The following OPRM1 variants were observed in gnomAD, a reference collection of about 807,000 sequenced individuals.
OPRM1 encodes opioid receptor mu 1, also known as mu-type opioid receptor.
In OPRM1, 27 loss-of-function variants were observed where a neutral mutation model predicts 31.8. That is an observed-to-expected ratio of 0.85 (90% CI 0.63 to 1.17). The LOEUF (loss-of-function observed/expected upper bound fraction) is 1.17, where lower values mean the gene tolerates loss of function less well. Ranked by LOEUF, OPRM1 falls within the 50% of genes most tolerant of loss-of-function variation. The pLI, the probability that OPRM1 is intolerant of heterozygous loss-of-function variation, is 0.00. For missense variants in OPRM1, 536 were observed against 511.1 expected (o/e 1.05, Z -0.47); for synonymous variants, 196 against 189.9 (o/e 1.03, Z -0.26).
chr6:154,046,643 C>A (rs1217397917), intron 1 of OPRM1: 2 of 152,154 alleles, frequency 1.3e-5, no homozygotes, highest in African/African-American at 4.8e-5. Context: ...TTTCTTTACC[C>A]ATCCTTTCTT....
At chr6:154,199,267 C>T (rs1171915871) in intron 3 of OPRM1, among the ~76,000 whole-genome samples, 1 of 152,228 alleles carries the variant, frequency 6.6e-6, no homozygotes, top group South Asian at 2.1e-4. Context: ...GAGAAAGTGG[C>T]TGATCTAAGC....
At chr6:154,109,203 G>T (rs187719891) in intron 3 of OPRM1, among the ~76,000 whole-genome samples, 1 of 152,302 alleles carries the variant, frequency 6.6e-6, no homozygotes, top group African/African-American at 2.4e-5. Flanking sequence ...GAAATAGAAG[G>T]CTTAGAAAGG....
chr6:154,018,125 T>C (rs1435127171), intron 1 of OPRM1, among the ~76,000 whole-genome samples: 1 of 152,114 alleles, frequency 6.6e-6, no homozygotes, highest in Admixed American at 6.5e-5. Context: ...CTCCCAAGAA[T>C]ATATTCTTGG....
chr6:154,212,507 C>A (rs1778045420), intron 3 of OPRM1, among the ~76,000 whole-genome samples: 1 of 152,186 alleles, frequency 6.6e-6, no homozygotes, highest in African/African-American at 2.4e-5. Flanking sequence ...GGCCTGTCAC[C>A]TAGAAGCCTT....
intron 3 of OPRM1, among the ~76,000 whole-genome samples, chr6:154,142,642 T>A (rs1009195335): frequency 6.6e-6 from 1 of 152,176 alleles, no homozygotes; most frequent in Non-Finnish European, 1.5e-5. Context: ...CACCTGGGCC[T>A]CTTCCAAGTG....
chr6:154,081,714 G>A lies in OPRM1; in HGVS notation c.291-8112G>A, dbSNP rs544933085. Among the ~76,000 whole-genome samples the A allele has an allele frequency of 3.3e-5, 5 of 152,258 alleles. No individual in the cohort carries two copies. In the South Asian group the frequency reaches 1.0e-3, roughly 32 times the overall value. Reference sequence around the variant, plus strand: ...TCGACGTGGTCAGAGAGGTGGAAGAGTATTTCTGGGACCCATTGCTTACAA... The same window carrying A: ...TCGACGTGGTCAGAGAGGTGGAAGAATATTTCTGGGACCCATTGCTTACAA... On this transcript the variant is annotated intron_variant, in intron 1 of 3. Coordinates refer to ENST00000330432, the MANE Select transcript of OPRM1 (RefSeq NM_000914.5).
intron 1 of OPRM1, among the ~76,000 whole-genome samples, chr6:154,014,497 C>T (rs1209093134): frequency 6.6e-6 from 1 of 151,756 alleles, no homozygotes; most frequent in Non-Finnish European, 1.5e-5. Context: ...ATCATATATA[C>T]AAAACTACAT....
intron 3 of OPRM1, among the ~76,000 whole-genome samples, chr6:154,180,415 T>TATATATATATATATATA (rs1491475267): frequency 3.1e-4 from 9 of 29,334 alleles, no homozygotes; most frequent in African/African-American, 1.1e-3. Context: ...TATATATATA[T>TATATATATATATATATA]TTTTTTTTTA....
At chr6:154,138,985 TG>T (rs1798131749) in intron 3 of OPRM1, among the ~76,000 whole-genome samples, 1 of 152,204 alleles carries the variant, frequency 6.6e-6, no homozygotes, top group African/African-American at 2.4e-5. Flanking sequence ...GCAAGAAGAC[TG>T]GGACACCCCA....
At chr6:154,149,623 C>T (rs144985479) in intron 3 of OPRM1, among the ~76,000 whole-genome samples, 225 of 149,826 alleles carry the variant, frequency 1.5e-3, no homozygotes, top group African/African-American at 5.1e-3. Flanking sequence ...TGTGTGTGCG[C>T]GCGTGTGTGT....
At chr6:154,108,953 A>G (rs1796010254) in intron 3 of OPRM1, 3 of 985,114 alleles carry the variant, frequency 3.0e-6, no homozygotes, top group Non-Finnish European at 2.4e-6. Flanking sequence ...GAGGTAGCAC[A>G]TAAGAAATAA....
At chr6:154,044,119 TAGAGAG>T (rs3836998) in intron 1 of OPRM1, among the ~76,000 whole-genome samples, 3 of 148,862 alleles carry the variant, frequency 2.0e-5, no homozygotes, top group African/African-American at 2.4e-5. Flanking sequence ...GATAGATAGA[TAGAGAG>T]AGAGAGAGAG....
intron 1 of OPRM1, among the ~76,000 whole-genome samples, chr6:154,071,156 G>T (rs1375223848): frequency 6.6e-6 from 1 of 152,146 alleles, no homozygotes; most frequent in African/African-American, 2.4e-5. Flanking sequence ...TATGGAAAGA[G>T]ACTTAACCTA....
intron 1 of OPRM1, among the ~76,000 whole-genome samples, chr6:154,016,806 G>A (rs1778028706): frequency 6.6e-6 from 1 of 152,184 alleles, no homozygotes; most frequent in African/African-American, 2.4e-5. Flanking sequence ...TGTGATAAGA[G>A]CTCCAGTATA....
chr6:154,167,075 G>A lies in OPRM1; in HGVS notation c.1164+75603G>A, dbSNP rs893085437. On this transcript the variant is annotated intron_variant, in intron 3 of 3. Coordinates refer to the OPRM1 transcript ENST00000337049. Reference sequence around the variant, plus strand: ...CCTTTGTAGCCTTGTCCTTTCAATTGCTGACATTTCTTCCTGGAAAATGAC... The same window carrying A: ...CCTTTGTAGCCTTGTCCTTTCAATTACTGACATTTCTTCCTGGAAAATGAC... Among the ~76,000 whole-genome samples, 3 of 152,102 alleles carry A rather than the reference G, an allele frequency of 2.0e-5. No individual in the cohort carries two copies. The East Asian group carries it at 5.8e-4, about 29-fold the overall frequency.
intron 3 of OPRM1, among the ~76,000 whole-genome samples, chr6:154,220,052 G>A (rs1778739264): frequency 6.7e-6 from 1 of 150,240 alleles, no homozygotes; most frequent in Admixed American, 6.6e-5. Flanking sequence ...TTGGTGAAAG[G>A]CAGTTGCTTT....
rs140964093 is a variant in OPRM1 at position 154,020,692 on chromosome 6, C to G, written c.-1+9674C>G. On this transcript the variant is annotated intron_variant, in intron 1 of 5. Coordinates refer to the OPRM1 transcript ENST00000434900. Reference sequence around the variant, plus strand: ...GCAATGAATGAGAGTTCTTACCGCACCAGCATTTGGTGGTGGTCATGTTTT... The same window carrying G: ...GCAATGAATGAGAGTTCTTACCGCAGCAGCATTTGGTGGTGGTCATGTTTT... Among the ~76,000 whole-genome samples the G allele has an allele frequency of 7.2e-5, 11 of 152,326 alleles. No individual in the cohort carries two copies. The South Asian group carries it at 2.3e-3, about 32-fold the overall frequency.
downstream of OPRM1, among the ~76,000 whole-genome samples, chr6:154,136,495 G>A (rs1369046995): frequency 1.3e-5 from 2 of 152,148 alleles, no homozygotes; most frequent in Non-Finnish European, 2.9e-5. Context: ...ATATCTAAGT[G>A]ATTCTGTAGA....
chr6:154,061,829 A>C (rs1249617869), intron 1 of OPRM1, among the ~76,000 whole-genome samples: 2 of 104,838 alleles, frequency 1.9e-5, no homozygotes, highest in Non-Finnish European at 4.3e-5. Flanking sequence ...TAATAGTTGG[A>C]AAAAAAAAAG....
Sources: allele counts gnomAD v4.1 joint callset (sites outside exome capture counted in the v4.1 genomes callset), GRCh38; gene constraint gnomAD v4.1.1; transcripts MANE v1.5; gene names NCBI Gene and HGNC (gene_info 2026-07-23, HGNC 2026-07-21).